Variants in MGST2 observed in about 807,000 individuals in gnomAD.
MGST2 encodes the protein microsomal glutathione S-transferase 2, also known as glutathione peroxidase MGST2.
MGST2 carries 9 observed loss-of-function variants against 16.6 expected under a neutral mutation model. The ratio of observed to expected loss-of-function variants is 0.54; its 90% CI spans 0.33 to 0.95. The LOEUF is 0.95. Among genes scored for constraint, MGST2 ranks in the 40% least tolerant of loss-of-function variants. MGST2 has a pLI of 0.03. For synonymous variants in MGST2, 79 were observed against 68.0 expected (o/e 1.16, Z -0.79); for missense variants, 159 against 175.1 (o/e 0.91, Z 0.52).
At chr4:139,723,319 C>CT (rs1728330873) in intron 5 of MGST2, among the ~76,000 whole-genome samples, 1 of 151,788 alleles carries the variant, frequency 6.6e-6, no homozygotes, top group South Asian at 2.1e-4. Flanking sequence ...TTTTTTGTTT[C>CT]TTTTTTCTGG....
the MGST2 span, among the ~76,000 whole-genome samples, chr4:139,749,570 C>T: frequency 6.6e-6 from 1 of 152,144 alleles, no homozygotes; most frequent in Non-Finnish European, 1.5e-5. Flanking sequence ...GGGCGCCGAT[C>T]AGAGAAATCT....
intron 5 of MGST2, among the ~76,000 whole-genome samples, chr4:139,720,500 A>G (rs1159597098): frequency 6.6e-6 from 1 of 152,238 alleles, no homozygotes; most frequent in Non-Finnish European, 1.5e-5. Context: ...GCTGATTGTG[A>G]AAATTTTGAA....
At position 139,735,904 on chromosome 4, in the gene MGST2, G is replaced by C. The variant is rs1286660527; in HGVS notation, c.*49-4308G>C. On this transcript the variant is annotated intron_variant, in intron 5 of 5. Transcript: ENST00000616265. The surrounding 1 kb of genome is among the most constrained non-coding windows in gnomAD (Gnocchi z 5.8). ...CCCGCGAGGGGCCCTGGAGGTCCTC[G>C]GCCCGCGCGCGCCGCTCGGGAGCCC... is the stretch of plus-strand genomic sequence containing the variant. Among the ~76,000 whole-genome samples, 1 of 151,962 alleles carries C rather than the reference G, an allele frequency of 6.6e-6. No homozygotes were observed. The highest frequency in any genetic ancestry group is 1.5e-5 in the Non-Finnish European group (1 of 67,952).
At chr4:139,712,270 C>T (rs893138930) in intron 5 of MGST2, among the ~76,000 whole-genome samples, 1 of 152,178 alleles carries the variant, frequency 6.6e-6, no homozygotes, top group African/African-American at 2.4e-5. Flanking sequence ...CCTCTTGTTT[C>T]CTCTGAGCAG....
intron 1 of MGST2, among the ~76,000 whole-genome samples, chr4:139,675,321 TG>T (rs1007274165): frequency 1.3e-5 from 2 of 152,096 alleles, no homozygotes; most frequent in African/African-American, 4.8e-5. Flanking sequence ...AAGTTTATTA[TG>T]GGGTGAAAAG....
Position 139,735,061 on chromosome 4 carries a change from G to GCCCGCCCCTCCGCGGCC in MGST2, c.*49-5142_*49-5126dup, listed in dbSNP as rs1728880090. Among the ~76,000 whole-genome samples the GCCCGCCCCTCCGCGGCC allele has an allele frequency of 6.6e-6, 1 of 152,136 alleles. No individual in the cohort carries two copies. Among genetic ancestry groups the GCCCGCCCCTCCGCGGCC allele is most frequent in the East Asian group, 1.9e-4 (1 of 5,172 alleles). The stretch of plus-strand genomic sequence containing the variant: ...CGCAGATGGCTTAATCAGGGCTCCC[G>GCCCGCCCCTCCGCGGCC]CCCGCCCCTCCGCGGCCCCCGCCCC... On this transcript the variant is annotated intron_variant, in intron 5 of 5. Coordinates refer to the MGST2 transcript ENST00000616265. The surrounding 1 kb of genome is among the most constrained non-coding windows in gnomAD (Gnocchi z 5.8).
chr4:139,719,471 T>C (rs774502224), intron 5 of MGST2: 26 of 1,613,908 alleles, frequency 1.6e-5, no homozygotes, highest in Middle Eastern at 3.3e-4. Flanking sequence ...TGACACGTCC[T>C]GAGGGGCATT....
intron 5 of MGST2, among the ~76,000 whole-genome samples, chr4:139,710,165 T>G (rs1168560822): frequency 6.6e-6 from 1 of 152,142 alleles, no homozygotes; most frequent in Non-Finnish European, 1.5e-5. Context: ...TCATTTGAGG[T>G]TCACCCTTTT....
the MGST2 span, among the ~76,000 whole-genome samples, chr4:139,751,933 A>C: frequency 6.6e-6 from 1 of 152,216 alleles, no homozygotes; most frequent in Non-Finnish European, 1.5e-5. Context: ...GAGACCTCCA[A>C]GGAGCCTCCA....
chr4:139,706,132 A>G (rs149726591), downstream of MGST2, among the ~76,000 whole-genome samples: 86 of 152,296 alleles, frequency 5.6e-4, no homozygotes, highest in Non-Finnish European at 1.0e-3. Context: ...TGTTCCCATA[A>G]TACATAACCT....
chr4:139,675,346 C>A (rs1730905219), intron 1 of MGST2, among the ~76,000 whole-genome samples: 1 of 152,052 alleles, frequency 6.6e-6, no homozygotes, highest in Non-Finnish European at 1.5e-5. Flanking sequence ...AAGTTAAGGA[C>A]AGGAGGCAAG....
intron 5 of MGST2, among the ~76,000 whole-genome samples, chr4:139,733,420 T>C (rs952208554): frequency 1.3e-5 from 2 of 151,648 alleles, no homozygotes; most frequent in African/African-American, 4.9e-5. Flanking sequence ...TGGTAAGGAG[T>C]GAAGAAGTGT....
chr4:139,721,078 C>T (rs918627885), intron 5 of MGST2, among the ~76,000 whole-genome samples: 2 of 152,218 alleles, frequency 1.3e-5, no homozygotes, highest in Non-Finnish European at 1.5e-5. Context: ...CATCCTGCTA[C>T]GTGCGACTTG....
At chr4:139,752,009 G>A in the MGST2 span, among the ~76,000 whole-genome samples, 1 of 152,160 alleles carries the variant, frequency 6.6e-6, no homozygotes, top group Non-Finnish European at 1.5e-5. Context: ...GAAATCTGAA[G>A]CTTATCATTA....
At chr4:139,742,396 G>A (rs1319191966), downstream of MGST2, among the ~76,000 whole-genome samples, 1 of 152,134 alleles carries the variant, frequency 6.6e-6, no homozygotes, top group Non-Finnish European at 1.5e-5. Flanking sequence ...TAATCTGCCC[G>A]CCTTGGCCTC....
At chr4:139,725,264 G>C (rs1728422083) in intron 5 of MGST2, among the ~76,000 whole-genome samples, 1 of 152,200 alleles carries the variant, frequency 6.6e-6, no homozygotes, top group African/African-American at 2.4e-5. Flanking sequence ...GTTGTTGCAA[G>C]CCAGATTCTT....
At chr4:139,679,314 A>G (rs1022699024) in intron 2 of MGST2, among the ~76,000 whole-genome samples, 5 of 152,160 alleles carry the variant, frequency 3.3e-5, no homozygotes, top group African/African-American at 9.7e-5. Flanking sequence ...TTTTGTTACC[A>G]TCTTGGGATT....
chr4:139,668,698 G>T (rs1285941868), intron 1 of MGST2, among the ~76,000 whole-genome samples: 2 of 152,024 alleles, frequency 1.3e-5, no homozygotes, highest in South Asian at 2.1e-4. Flanking sequence ...CTGTGGAGGT[G>T]GGGGACCAGC....
chr4:139,707,393 A>G (rs1292250667), downstream of MGST2, among the ~76,000 whole-genome samples: 1 of 123,686 alleles, frequency 8.1e-6, no homozygotes, highest in Non-Finnish European at 1.8e-5. Context: ...TTCATTTTTT[A>G]TGGCTGCATA....
Sources: allele counts gnomAD v4.1 joint callset (sites outside exome capture counted in the v4.1 genomes callset), GRCh38; gene constraint gnomAD v4.1.1; non-coding constraint Gnocchi (gnomAD v3.1); transcripts MANE v1.5; gene names NCBI Gene and HGNC (gene_info 2026-07-23, HGNC 2026-07-21).